Variants in EFR3B observed in about 807,000 individuals in gnomAD.
EFR3B encodes the protein EFR3 homolog B.
A neutral mutation model predicts 104.7 loss-of-function variants in EFR3B; 64 were observed. The ratio of observed to expected loss-of-function variants is 0.61; its 90% CI spans 0.50 to 0.75. The LOEUF is 0.75. EFR3B is among the 30% of genes least tolerant of loss of function. The pLI is 0.00. For synonymous variants in EFR3B, 385 were observed against 417.9 expected (o/e 0.92, Z 0.96); for missense variants, 750 against 1,078.5 (o/e 0.70, Z 4.27).
intron 1 of EFR3B, among the ~76,000 whole-genome samples, chr2:25,054,604 G>A (rs72807655): frequency 6.6e-6 from 1 of 152,242 alleles, no homozygotes; most frequent in Non-Finnish European, 1.5e-5. Flanking sequence ...TACCGCACCT[G>A]ACCCATGCAA....
rs772795747 is a variant in EFR3B at position 25,135,633 on chromosome 2, C to T, written c.1478C>T (p.Thr493Ile). Residue 493 changes from threonine to isoleucine, a missense_variant, in exon 13 of 23, where the codon ACC becomes ATC. Thr to Ile is a moderately conservative substitution (Grantham distance 89). Transcript: ENST00000403714. ...DRHGNRHKFSTISTLSDISVL... is the reference protein window; with the variant it reads ...DRHGNRHKFSIISTLSDISVL... ...CATGGCAACCGCCACAAGTTCTCTACCATCAGGTGAACTTGGGGTGTCTCC... is the reference window on the plus strand; with the variant it reads ...CATGGCAACCGCCACAAGTTCTCTATCATCAGGTGAACTTGGGGTGTCTCC... The T allele has an allele frequency of 9.7e-6, 15 of 1,552,170 alleles. No individual in the cohort carries two copies. In the South Asian group the frequency reaches 1.8e-4, roughly 18 times the overall value.
chr2:25,047,127 T>C (rs2149162209), intron 1 of EFR3B, among the ~76,000 whole-genome samples: 1 of 152,276 alleles, frequency 6.6e-6, no homozygotes, highest in South Asian at 2.1e-4. Context: ...AAAGGTAATA[T>C]TATATTACAG....
At chr2:25,105,067 A>T (rs145648414) in intron 4 of EFR3B, among the ~76,000 whole-genome samples, 7 of 152,266 alleles carry the variant, frequency 4.6e-5, no homozygotes, top group African/African-American at 1.4e-4. Context: ...TATTTTACAG[A>T]TCTTAAGTGA....
intron 5 of EFR3B, among the ~76,000 whole-genome samples, chr2:25,122,453 C>CA (rs1397988151): frequency 6.6e-6 from 1 of 152,074 alleles, no homozygotes; most frequent in Non-Finnish European, 1.5e-5. Flanking sequence ...ACCCACTCAC[C>CA]ATTAACCATC....
At chr2:25,054,685 A>T (rs1314984492) in intron 1 of EFR3B, among the ~76,000 whole-genome samples, 4 of 152,180 alleles carry the variant, frequency 2.6e-5, no homozygotes, top group Admixed American at 2.0e-4. Flanking sequence ...GCATACAAGG[A>T]TGAGTGTGTC....
rs1573231148 is a variant in EFR3B, at chr2:25,137,468, T to C, written c.1688T>C (p.Val563Ala). The change falls in exon 15 of 23, where the codon GTG becomes GCG. Residue 563 changes from valine to alanine, a missense_variant. Physicochemically the swap from Val to Ala is moderately conservative, Grantham distance 64 (BLOSUM62 0). Coordinates refer to ENST00000403714, the MANE Select transcript of EFR3B (RefSeq NM_014971.2). The surrounding 1 kb of genome is among the most constrained non-coding windows in gnomAD (Gnocchi z 4.7). ...ATCGAGCTGGCTAACGAGGAGGTGG[T>C]GGTGGACCTCATCCGTCTGGTGCTG... ...ISIELANEEV[V>A]VDLIRLVLAV... 3 of 1,551,630 alleles carry C rather than the reference T, an allele frequency of 1.9e-6. No homozygotes were observed. The highest frequency in any genetic ancestry group is 2.6e-6 in the Non-Finnish European group (3 of 1,146,956).
chr2:25,155,853 T>C lies in EFR3B; in HGVS notation c.*1513T>C, dbSNP rs1436378309. Reference sequence around the variant, plus strand: ...ATTTCTTGATCCAAAGGAATCCGTTTTTAATTTTTTTTTTTTTCTAGAGAT... The same window carrying C: ...ATTTCTTGATCCAAAGGAATCCGTTCTTAATTTTTTTTTTTTTCTAGAGAT... On this transcript the variant is annotated 3_prime_UTR_variant, in exon 23 of 23. Transcript: ENST00000403714. 1.3e-5 allele frequency: 2 copies of C among 151,986 alleles called. No individual in the cohort carries two copies. The highest frequency in any genetic ancestry group is 2.4e-5 in the African/African-American group (1 of 41,220). 9.4% of individuals were successfully genotyped at this position (151,986 alleles called of 1,614,324 possible). A position where few individuals can be genotyped will look rare whatever the true frequency, so the allele number is the denominator to read the frequency against.
In EFR3B at chr2:25,131,668, G is replaced by A. The variant is rs1490772383; in HGVS notation, c.986-82G>A. 1 of 1,481,264 alleles carries A rather than the reference G, an allele frequency of 6.8e-7. No homozygotes were observed. The highest frequency in any genetic ancestry group is 1.4e-5 in the African/African-American group (1 of 71,310). The allele number at this position is 1,481,264 out of a possible 1,614,324, so 91.8% of individuals were successfully genotyped here. Reference sequence around the variant, plus strand: ...GGAAGCCCAGGCTGGAAGGGGGCGTGACCCTGCCCTGCCTGCGCGCGGTGC... The same window carrying A: ...GGAAGCCCAGGCTGGAAGGGGGCGTAACCCTGCCCTGCCTGCGCGCGGTGC... On this transcript the variant is annotated intron_variant, in intron 9 of 22. Transcript: ENST00000403714. This position sits in a 1 kb window ranked among gnomAD's most constrained non-coding sequence, Gnocchi z 7.6.
In EFR3B at chr2:25,114,519, A is replaced by G. The variant is rs1669807375; in HGVS notation, c.364-7154A>G. ...GCAGTCTTACTAGAATATCTAACAG[A>G]GCAAGAGTCCTGGCAGCCCGAGGGA... On this transcript the variant is annotated intron_variant, in intron 4 of 22. Transcript: ENST00000403714. This position sits in a 1 kb window ranked among gnomAD's most constrained non-coding sequence, Gnocchi z 4.0. Among the ~76,000 whole-genome samples, 1 of 152,212 alleles carries G rather than the reference A, an allele frequency of 6.6e-6. No individual in the cohort carries two copies. Among genetic ancestry groups the G allele is most frequent in the Non-Finnish European group, 1.5e-5 (1 of 68,034 alleles).
intron 1 of EFR3B, among the ~76,000 whole-genome samples, chr2:25,086,553 A>T (rs1323165989): frequency 6.6e-6 from 1 of 152,164 alleles, no homozygotes; most frequent in Non-Finnish European, 1.5e-5. Flanking sequence ...TGCCACCTGC[A>T]TATCTCCTTT....
chr2:25,132,299 C>T (rs2149206010), intron 10 of EFR3B, among the ~76,000 whole-genome samples: 1 of 152,228 alleles, frequency 6.6e-6, no homozygotes, highest in African/African-American at 2.4e-5. Context: ...GTCCCAGTCA[C>T]CATCAGACCT....
intron 19 of EFR3B, chr2:25,145,366 T>A: frequency 2.1e-6 from 1 of 478,864 alleles, no homozygotes; most frequent in Non-Finnish European, 3.7e-6. Context: ...AGCCCAGGAG[T>A]TTGAGATGAT....
Position 25,131,611 on chromosome 2 carries a change from G to A in EFR3B, c.985+108G>A. The A allele has an allele frequency of 1.3e-6, 2 of 1,502,720 alleles. No individual in the cohort carries two copies. Among genetic ancestry groups the A allele is most frequent in the South Asian group, 1.3e-5 (1 of 76,872 alleles). The allele number at this position is 1,502,720 out of a possible 1,614,324, so 93.1% of individuals were successfully genotyped here. On this transcript the variant is annotated intron_variant, in intron 9 of 22. Coordinates refer to ENST00000403714, the MANE Select transcript of EFR3B (RefSeq NM_014971.2). This position sits in a 1 kb window ranked among gnomAD's most constrained non-coding sequence, Gnocchi z 7.6. The stretch of plus-strand genomic sequence containing the variant: ...GAGGGGTCGGAGTCCGTTTTCCTCG[G>A]GAGAAGTCCGCCAGGAAGTTGGGAG...
At chr2:25,129,831 C>G in intron 6 of EFR3B, 144 bp from the exon 7 acceptor site, 1 of 1,069,950 alleles carries the variant, frequency 9.3e-7, no homozygotes, top group East Asian at 2.6e-5. Context: ...TTTCTGACAG[C>G]TGTGACGCCT....
intron 1 of EFR3B, among the ~76,000 whole-genome samples, chr2:25,084,563 A>T (rs1668898339): frequency 6.6e-6 from 1 of 151,962 alleles, no homozygotes; most frequent in South Asian, 2.1e-4. Flanking sequence ...TAGAAAGTTT[A>T]TTTTGCCAGG....
At chr2:25,152,141 AC>A in intron 21 of EFR3B, 121 bp downstream of exon 21, 1 of 814,368 alleles carries the variant, frequency 1.2e-6, no homozygotes, top group Non-Finnish European at 1.8e-6. Context: ...CCCCACCCCC[AC>A]CCTGCCAGAC....
intron 1 of EFR3B, among the ~76,000 whole-genome samples, chr2:25,082,646 C>A (rs2149180290): frequency 6.6e-6 from 1 of 152,288 alleles, no homozygotes; most frequent in East Asian, 1.9e-4. Flanking sequence ...ATCACACTGT[C>A]CTCCCTTTAT....
Position 25,042,647 on chromosome 2 carries a change from T to G in EFR3B, c.7+328T>G. 1 of 1,104,488 alleles carries G rather than the reference T, an allele frequency of 9.1e-7. No homozygotes were observed. Among genetic ancestry groups the G allele is most frequent in the Non-Finnish European group, 1.1e-6 (1 of 906,886 alleles). 68.4% of individuals were successfully genotyped at this position (1,104,488 alleles called of 1,614,324 possible). ...GGAGGAGGTGGTCGTGTGGCAGCAT[T>G]TGCGGAATTAACAAAAGCGGTTTGT... On this transcript the variant is annotated intron_variant, in intron 1 of 22. Coordinates refer to ENST00000403714, the MANE Select transcript of EFR3B (RefSeq NM_014971.2). The surrounding 1 kb of genome is among the most constrained non-coding windows in gnomAD (Gnocchi z 5.4).
chr2:25,049,703 G>A (rs1573160543), intron 1 of EFR3B, among the ~76,000 whole-genome samples: 1 of 152,164 alleles, frequency 6.6e-6, no homozygotes, highest in Non-Finnish European at 1.5e-5. Context: ...GGTGTGGCTG[G>A]TGGAGGCACC....
Sources: allele counts gnomAD v4.1 joint callset (sites outside exome capture counted in the v4.1 genomes callset), GRCh38; gene constraint gnomAD v4.1.1; non-coding constraint Gnocchi (gnomAD v3.1); transcripts MANE v1.5; gene names NCBI Gene and HGNC (gene_info 2026-07-23, HGNC 2026-07-21).